Variants in RABGAP1L observed in about 807,000 individuals in gnomAD.
RABGAP1L encodes rab GTPase-activating protein 1-like.
Under a neutral mutation model 137.7 loss-of-function variants are expected in RABGAP1L, and 63 were observed. The observed-to-expected ratio is 0.46, with a 90% CI of 0.37 to 0.56. The LOEUF (loss-of-function observed/expected upper bound fraction) is 0.56. Ranked by LOEUF, RABGAP1L falls within the 20% of genes least tolerant of loss-of-function variation. The pLI, the probability that RABGAP1L is intolerant of heterozygous loss-of-function variation, is 0.00. For synonymous variants in RABGAP1L, 431 were observed against 433.7 expected, an observed-to-expected ratio of 0.99 and a Z score of 0.08; for missense variants, 1,095 against 1,244.0, an observed-to-expected ratio of 0.88 and a Z score of 1.80.
At chr1:174,684,474 G>A (rs750930857) in intron 15 of RABGAP1L, among the ~76,000 whole-genome samples, 34 of 152,142 alleles carry the variant, frequency 2.2e-4, no homozygotes, top group Non-Finnish European at 4.4e-4. Flanking sequence ...CACGGGGAGT[G>A]GTATGACGTA....
At chr1:174,914,440 C>G (rs549417526) in intron 19 of RABGAP1L, among the ~76,000 whole-genome samples, 2 of 152,200 alleles carry the variant, frequency 1.3e-5, no homozygotes, top group Non-Finnish European at 2.9e-5. Context: ...AGATAGATAA[C>G]CACAAGCCCA....
chr1:174,341,341 T>C lies in RABGAP1L; in HGVS notation c.1466-29638T>C, dbSNP rs1297083587. Among the ~76,000 whole-genome samples, 7 of 152,340 alleles carry C rather than the reference T, an allele frequency of 4.6e-5. No individual in the cohort carries two copies. In the East Asian group the frequency reaches 1.3e-3, roughly 29 times the overall value. On this transcript the variant is annotated intron_variant, in intron 11 of 25. Coordinates refer to ENST00000681986, the MANE Select transcript of RABGAP1L (RefSeq NM_001366446.1). Reference sequence around the variant, plus strand: ...ATGCTTCGTGTTACAAAATGTTGCTTGAAAGATGAAGATTAAAATTAATTT... The same window carrying C: ...ATGCTTCGTGTTACAAAATGTTGCTCGAAAGATGAAGATTAAAATTAATTT...
At chr1:174,974,625 TAG>T (rs1670487899) in intron 21 of RABGAP1L, among the ~76,000 whole-genome samples, 1 of 152,202 alleles carries the variant, frequency 6.6e-6, no homozygotes, top group African/African-American at 2.4e-5. Flanking sequence ...GAGCAATTTT[TAG>T]AGTCTTAAAG....
Position 174,849,117 on chromosome 1 carries a change from G to A in RABGAP1L, c.2340+37157G>A, listed in dbSNP as rs956916027. Among the ~76,000 whole-genome samples, 102 of 152,018 alleles carry A rather than the reference G, an allele frequency of 6.7e-4. 1 individual carries two copies. The highest frequency in any genetic ancestry group is 3.4e-3 in the Middle Eastern group (1 of 294). On this transcript the variant is annotated intron_variant, in intron 19 of 25. Transcript: ENST00000681986. Reference sequence around the variant, plus strand: ...ACGGTGCGTGCACCCACTGGCCTGCGCCCACTGTCTGGCACTCCCTAGTGA... The same window carrying A: ...ACGGTGCGTGCACCCACTGGCCTGCACCCACTGTCTGGCACTCCCTAGTGA...
At chr1:174,438,025 AT>A (rs1283310387) in intron 13 of RABGAP1L, among the ~76,000 whole-genome samples, 3 of 152,200 alleles carry the variant, frequency 2.0e-5, no homozygotes, top group Admixed American at 6.5e-5. Flanking sequence ...ATGCTGAGAG[AT>A]TTTGTCACCA....
intron 12 of RABGAP1L, among the ~76,000 whole-genome samples, chr1:174,371,822 A>G (rs992328594): frequency 1.3e-5 from 2 of 152,204 alleles, no homozygotes; most frequent in Non-Finnish European, 2.9e-5. Context: ...AGTAGAAGAA[A>G]GAATAATTTA....
chr1:174,346,552 ATAAT>A (rs1359399054), intron 11 of RABGAP1L, among the ~76,000 whole-genome samples: 2 of 152,104 alleles, frequency 1.3e-5, no homozygotes, highest in South Asian at 2.1e-4. Context: ...GAAGTCTCTA[ATAAT>A]TCTTCAAATA....
At chr1:174,318,580 T>TTTTG (rs533199280) in intron 11 of RABGAP1L, among the ~76,000 whole-genome samples, 1 of 117,550 alleles carries the variant, frequency 8.5e-6, no homozygotes, top group African/African-American at 3.2e-5. Flanking sequence ...TTGGTGATTG[T>TTTTG]TTTCTTTCTT....
intron 4 of RABGAP1L, among the ~76,000 whole-genome samples, chr1:174,237,425 T>C (rs1474027284): frequency 2.3e-4 from 17 of 75,250 alleles, no homozygotes; most frequent in African/African-American, 8.4e-4. Context: ...TTCCTTTCCA[T>C]GTTTAGCGCT....
intron 14 of RABGAP1L, among the ~76,000 whole-genome samples, chr1:174,648,409 G>A (rs772292889): frequency 6.6e-6 from 1 of 151,978 alleles, no homozygotes; most frequent in Non-Finnish European, 1.5e-5. Context: ...TTGTGTCTTT[G>A]TTCTCATTGG....
chr1:174,979,019 G>GAA, intron 23 of RABGAP1L, 129 bp downstream of exon 23: 3 of 1,268,422 alleles, frequency 2.4e-6, no homozygotes, highest in Non-Finnish European at 3.0e-6. Flanking sequence ...TATCTACAAG[G>GAA]AAAAAAAATT....
intron 10 of RABGAP1L, among the ~76,000 whole-genome samples, chr1:174,279,012 G>A (rs1464898790): frequency 6.6e-6 from 1 of 152,150 alleles, no homozygotes; most frequent in African/African-American, 2.4e-5. Flanking sequence ...AACCTGTAAT[G>A]TATGAACCTT....
At chr1:174,473,711 T>A (rs916969170) in intron 13 of RABGAP1L, among the ~76,000 whole-genome samples, 2 of 152,184 alleles carry the variant, frequency 1.3e-5, no homozygotes, top group African/African-American at 4.8e-5. Flanking sequence ...GCCAACCACA[T>A]CTTGTTTAGA....
chr1:174,353,742 T>TC (rs1683387165), intron 11 of RABGAP1L, among the ~76,000 whole-genome samples: 3 of 152,156 alleles, frequency 2.0e-5, no homozygotes, highest in Admixed American at 1.3e-4. Context: ...TGCTCTGTCT[T>TC]CCCCAAGTAC....
At chr1:174,685,551 C>CTTTA (rs58721848) in intron 15 of RABGAP1L, among the ~76,000 whole-genome samples, 15,232 of 144,972 alleles carry the variant, frequency 0.11, 978 homozygotes, top group East Asian at 0.21. Flanking sequence ...CCGCGCCGGC[C>CTTTA]TTTATTTATT....
At chr1:174,297,485 T>G (rs1049104446) in intron 10 of RABGAP1L, among the ~76,000 whole-genome samples, 2 of 152,182 alleles carry the variant, frequency 1.3e-5, no homozygotes, top group African/African-American at 4.8e-5. Flanking sequence ...CTTCTCGAGT[T>G]CCACTCCAAT....
At chr1:174,719,729 C>G (rs2148586057) in intron 17 of RABGAP1L, among the ~76,000 whole-genome samples, 1 of 152,210 alleles carries the variant, frequency 6.6e-6, no homozygotes, top group East Asian at 1.9e-4. Context: ...TTATAAAAAG[C>G]TGAGGCCAAA....
At chr1:174,984,415 A>C (rs1212127175) in intron 24 of RABGAP1L, among the ~76,000 whole-genome samples, 5 of 152,242 alleles carry the variant, frequency 3.3e-5, no homozygotes, top group East Asian at 1.9e-4. Flanking sequence ...TTATGTATAC[A>C]TGCAAATTAA....
intron 13 of RABGAP1L, among the ~76,000 whole-genome samples, chr1:174,429,158 A>C (rs1411013242): frequency 6.6e-6 from 1 of 152,226 alleles, no homozygotes; most frequent in Non-Finnish European, 1.5e-5. Context: ...GTAAATCATT[A>C]ATCTAAAGGA....
Sources: gnomAD v4.1 joint callset for allele counts (sites outside exome capture counted in the v4.1 genomes callset) on GRCh38, gnomAD v4.1.1 for gene constraint, MANE v1.5 for transcripts, NCBI Gene and HGNC (gene_info 2026-07-23, HGNC 2026-07-21) for gene names.